The following COL6A5 variants were observed in gnomAD, a reference collection of about 807,000 sequenced individuals.
The protein encoded by COL6A5 is collagen type VI alpha 5 chain.
A neutral mutation model predicts 65.6 loss-of-function variants in COL6A5; 48 were observed. That is an observed-to-expected ratio of 0.73 (90% CI 0.58 to 0.93). COL6A5 has a LOEUF of 0.93. Among genes scored for constraint, COL6A5 ranks in the 40% least tolerant of loss-of-function variants. The pLI is 0.00. For missense variants in COL6A5, 914 were observed against 928.3 expected (o/e 0.98, Z 0.20); for synonymous variants, 291 against 322.8 (o/e 0.90, Z 1.05).
At chr3:130,428,483 A>C (rs1937658034), upstream of COL6A5, among the ~76,000 whole-genome samples, 2 of 152,192 alleles carry the variant, frequency 1.3e-5, no homozygotes, top group South Asian at 4.1e-4. Flanking sequence ...CCAAGTGATT[A>C]GCATTTTGGA....
chr3:130,476,823 G>A (rs918142127), intron 7 of COL6A5: 1 of 636,540 alleles, frequency 1.6e-6, no homozygotes, highest in African/African-American at 1.8e-5. Context: ...GCATTTTTCT[G>A]TTGTAATGAT....
At chr3:130,384,934 C>G (rs140690161) in exon 5 of COL6A5, 2 of 1,550,822 alleles carry the variant, frequency 1.3e-6, no homozygotes, top group African/African-American at 2.7e-5. Flanking sequence ...TTGGCCCAGA[C>G]AAAGTCCGAG....
exon 20 of COL6A5, chr3:130,410,477 A>C (rs1207697743): frequency 6.5e-7 from 1 of 1,550,368 alleles, no homozygotes; most frequent in African/African-American, 1.4e-5. Flanking sequence ...TTAGGGTAGA[A>C]GTGGACAGAA....
upstream of COL6A5, among the ~76,000 whole-genome samples, chr3:130,427,206 A>G (rs1207630078): frequency 6.6e-6 from 1 of 152,214 alleles, no homozygotes; most frequent in African/African-American, 2.4e-5. Flanking sequence ...GTAGGTAAAT[A>G]CATACATAGA....
chr3:130,436,862 C>A (rs186837597), intron 1 of COL6A5, among the ~76,000 whole-genome samples: 173 of 152,230 alleles, frequency 1.1e-3, no homozygotes, highest in African/African-American at 4.1e-3. Flanking sequence ...AATCTCTTGA[C>A]ACTCTCATCC....
At chr3:130,401,668 G>T in intron 11 of COL6A5, 94 bp from the exon 12 acceptor site, 2 of 922,132 alleles carry the variant, frequency 2.2e-6, no homozygotes. Context: ...AGATGGGCGT[G>T]TAGATGGTGG....
At chr3:130,476,044 A>G (rs773989256) in intron 7 of COL6A5, among the ~76,000 whole-genome samples, 46 of 152,060 alleles carry the variant, frequency 3.0e-4, no homozygotes, top group Non-Finnish European at 3.7e-4. Flanking sequence ...AAGAGGAGGT[A>G]TATTAGTTTG....
At chr3:130,412,320 C>A (rs1357009524) in intron 20 of COL6A5, among the ~76,000 whole-genome samples, 1 of 152,022 alleles carries the variant, frequency 6.6e-6, no homozygotes, top group Non-Finnish European at 1.5e-5. Flanking sequence ...GGCAGCTTGC[C>A]CAAGGTCACA....
At chr3:130,410,048 G>C in exon 19 of COL6A5, 1 of 1,549,734 alleles carries the variant, frequency 6.5e-7, no homozygotes, top group African/African-American at 1.4e-5. Flanking sequence ...AGGACAAAAG[G>C]GCTCCAAAGG....
chr3:130,423,496 T>C (rs1937550110), intron 28 of COL6A5, among the ~76,000 whole-genome samples: 1 of 151,970 alleles, frequency 6.6e-6, no homozygotes, highest in South Asian at 2.1e-4. Flanking sequence ...ATTTTTCTTA[T>C]TTGATCTTTT....
At chr3:130,389,522 C>T (rs1046323318) in intron 6 of COL6A5, among the ~76,000 whole-genome samples, 1 of 151,012 alleles carries the variant, frequency 6.6e-6, no homozygotes, top group South Asian at 2.1e-4. Context: ...AATACAAATT[C>T]GTCTTTCTTT....
chr3:130,385,217 A>G (rs1936142388), exon 5 of COL6A5: 3 of 1,551,024 alleles, frequency 1.9e-6, no homozygotes, highest in Non-Finnish European at 2.6e-6. Flanking sequence ...TGAGCAAATC[A>G]CTGTTCATGC....
At chr3:130,397,722 T>TG (rs1438881761) in exon 9 of COL6A5, 1 of 1,551,478 alleles carries the variant, frequency 6.4e-7, no homozygotes, top group African/African-American at 1.4e-5. Context: ...GGGTGAGCTG[T>TG]GGGGCTGGCA....
chr3:130,349,764 T>A (rs1934633584), intron 1 of COL6A5, among the ~76,000 whole-genome samples: 1 of 152,224 alleles, frequency 6.6e-6, no homozygotes, highest in Admixed American at 6.5e-5. Context: ...ATGATTATAT[T>A]CAGCTGCAAG....
At chr3:130,458,692 T>A (rs1709632286) in intron 5 of COL6A5, among the ~76,000 whole-genome samples, 1 of 152,144 alleles carries the variant, frequency 6.6e-6, no homozygotes, top group African/African-American at 2.4e-5. Flanking sequence ...GCTAAAGAGT[T>A]CCAGGTGAAG....
intron 20 of COL6A5, among the ~76,000 whole-genome samples, chr3:130,412,777 A>C (rs1937218507): frequency 6.6e-6 from 1 of 152,160 alleles, no homozygotes; most frequent in South Asian, 2.1e-4. Context: ...AGCAATAGCC[A>C]ACCTGGTGGA....
chr3:130,455,444 T>C lies in COL6A5; in HGVS notation c.1333-11T>C. The stretch of plus-strand genomic sequence containing the variant: ...TTATCTAGACTCACCTAAAGTTTTT[T>C]TTTCTTCTAGATTTGTTACTGAGCT... On this transcript the variant is annotated splice_polypyrimidine_tract_variant and intron_variant, in intron 4 of 7. Transcript: ENST00000512836. 6.3e-7 allele frequency: 1 copy of C among 1,584,338 alleles called. No individual in the cohort carries two copies. The highest frequency in any genetic ancestry group is 8.6e-7 in the Non-Finnish European group (1 of 1,158,222).
At chr3:130,472,699 G>A (rs34788875) in intron 7 of COL6A5, among the ~76,000 whole-genome samples, 8,724 of 151,446 alleles carry the variant, frequency 0.058, 355 homozygotes, top group Middle Eastern at 0.11. Flanking sequence ...AGCACTATTT[G>A]TGTTGCCCCA....
chr3:130,439,585 G>C (rs1236004050), exon 2 of COL6A5: 2 of 1,551,174 alleles, frequency 1.3e-6, no homozygotes, highest in Non-Finnish European at 1.7e-6. Context: ...TCAAACATTA[G>C]AAAGACTTCG....
Sources: gnomAD v4.1 joint callset for allele counts (sites outside exome capture counted in the v4.1 genomes callset) on GRCh38, gnomAD v4.1.1 for gene constraint, MANE v1.5 for transcripts, NCBI Gene and HGNC (gene_info 2026-07-23, HGNC 2026-07-21) for gene names.